SAMD14: variants seen among roughly 807,000 people sequenced by gnomAD.
The protein encoded by SAMD14 is sterile alpha motif domain containing 14.
SAMD14 carries 27 observed loss-of-function variants against 46.2 expected under a neutral mutation model. The observed-to-expected ratio is 0.58, with a 90% confidence interval of 0.43 to 0.81. The LOEUF (loss-of-function observed/expected upper bound fraction) is 0.81. Among genes scored for constraint, SAMD14 ranks in the 30% least tolerant of loss-of-function variants. The pLI, the probability that SAMD14 is intolerant of heterozygous loss-of-function variation, is 0.00. For synonymous variants in SAMD14, 241 were observed against 254.3 expected (o/e 0.95, Z 0.50); for missense variants, 559 against 582.2 (o/e 0.96, Z 0.41).
intron 2 of SAMD14, among the ~76,000 whole-genome samples, chr17:50,121,590 T>G (rs1911503153): frequency 6.6e-6 from 1 of 152,206 alleles, no homozygotes; most frequent in Non-Finnish European, 1.5e-5. Context: ...AGTGCTGGGA[T>G]TACTGGTGTG....
chr17:50,113,388 G>A (rs1286932552), intron 9 of SAMD14: 3 of 302,722 alleles, frequency 9.9e-6, no homozygotes, highest in East Asian at 1.6e-4. Flanking sequence ...CACAGTTAGT[G>A]CCCAAGGACC....
At chr17:50,114,346 C>T (rs763917759) in intron 7 of SAMD14, 40 bp from the exon 8 acceptor site, 1 of 1,614,024 alleles carries the variant, frequency 6.2e-7, no homozygotes, top group South Asian at 1.1e-5. Flanking sequence ...GAGAGTTCAC[C>T]CCCAACCCAC....
At chr17:50,125,269 G>T in intron 1 of SAMD14, 1 of 371,102 alleles carries the variant, frequency 2.7e-6, no homozygotes. Context: ...GTGCCTTCAC[G>T]TGGGTCACTG....
rs766641656 is a variant in SAMD14 at position 50,111,679 on chromosome 17, C to G, written c.*1214G>C. On this transcript the variant is annotated 3_prime_UTR_variant, in exon 10 of 10. Transcript: ENST00000330175. ...CCAAGCGGGAGCCCCCAGGCCTCAT[C>G]GGTAACTCTGACCAGTGTCCTGGAA... 1 of 152,284 alleles carries G rather than the reference C, an allele frequency of 6.6e-6. No individual in the cohort carries two copies. Among genetic ancestry groups the G allele is most frequent in the African/African-American group, 2.4e-5 (1 of 41,428 alleles). The allele number at this position is 152,284 out of a possible 1,614,324, so 9.4% of individuals were successfully genotyped here. A position where few individuals can be genotyped will look rare whatever the true frequency, so the allele number is the denominator to read the frequency against.
rs777789075 is a variant in SAMD14, at chr17:50,114,017, C to T, written c.1005G>A (p.Leu335=). The T allele has an allele frequency of 6.8e-6, 11 of 1,613,728 alleles. No individual in the cohort carries two copies. In the East Asian group the frequency reaches 2.5e-4, roughly 36 times the overall value. Reference sequence around the variant, plus strand: ...CATACTGTTCCAGGTTGAGGCTCTGCAGCCACTGGCCCACCTGCTGGCTGG... The same window carrying T: ...CATACTGTTCCAGGTTGAGGCTCTGTAGCCACTGGCCCACCTGCTGGCTGG... ...HWTSQQVGQW[L]QSLNLEQYAA... is the part of the protein sequence containing the mutation. The change falls in exon 9 of 10, where the codon CTG becomes CTA. Residue 335 remains leucine, a synonymous_variant. Coordinates refer to ENST00000330175, the MANE Select transcript of SAMD14 (RefSeq NM_001257359.2).
chr17:50,114,043 TC>T lies in SAMD14; in HGVS notation c.978del (p.Trp326Ter). On this transcript the variant is annotated frameshift_variant, in exon 9 of 10. Coordinates refer to ENST00000330175, the MANE Select transcript of SAMD14 (RefSeq NM_001257359.2). LOFTEE classifies it high-confidence loss of function. ...AGCCACTGGCCCACCTGCTGGCTGG[TC>T]CAGTGGTGGACAGGGGGGAGGGGTT... is the stretch of plus-strand genomic sequence containing the variant. ...LDEPLPPVHH[W>X]TSQQVGQWLQ... The T allele has an allele frequency of 6.2e-7, 1 of 1,613,376 alleles. No individual in the cohort carries two copies. Among genetic ancestry groups the T allele is most frequent in the Non-Finnish European group, 8.5e-7 (1 of 1,179,968 alleles).
chr17:50,120,335 G>A (rs199623271), intron 2 of SAMD14, among the ~76,000 whole-genome samples: 6 of 151,814 alleles, frequency 4.0e-5, no homozygotes, highest in African/African-American at 1.5e-4. Context: ...GGAGAGGAGA[G>A]GAAAGAAAAA....
Position 50,115,708 on chromosome 17 carries a change from C to T in SAMD14, c.678G>A (p.Gly226=). Residue 226 remains glycine (G), a synonymous_variant, in exon 7 of 10, where the codon GGG becomes GGA. Coordinates refer to ENST00000330175, the MANE Select transcript of SAMD14 (RefSeq NM_001257359.2). The surrounding 1 kb of genome is among the most constrained non-coding windows in gnomAD (Gnocchi z 5.3). ...ACGGGGAGCCCCCTGACCTGCCGGA[C>T]CCCTCCACTGACTCCCTGCAGAGAG... ...LSMGSRESVE[G]SGRSGGSPFL... is the part of the protein sequence containing the mutation. The T allele has an allele frequency of 6.2e-7, 1 of 1,605,386 alleles. No individual in the cohort carries two copies. The highest frequency in any genetic ancestry group is 1.1e-5 in the South Asian group (1 of 90,072).
rs367855958 is a variant in SAMD14 at position 50,110,342 on chromosome 17, C to T, written c.*2551G>A. On this transcript the variant is annotated 3_prime_UTR_variant, in exon 10 of 10. Coordinates refer to ENST00000330175, the MANE Select transcript of SAMD14 (RefSeq NM_001257359.2). ...GATGCCTGAGGGTTAGGGATGTCTCCACCCTGATGGGGTGTCCCAGAGACA... is the reference window on the plus strand; with the variant it reads ...GATGCCTGAGGGTTAGGGATGTCTCTACCCTGATGGGGTGTCCCAGAGACA... The T allele has an allele frequency of 3.8e-5, 15 of 390,950 alleles. No individual in the cohort carries two copies. Among genetic ancestry groups the T allele is most frequent in the African/African-American group, 2.4e-4 (12 of 49,388 alleles). 24.2% of individuals were successfully genotyped at this position (390,950 alleles called of 1,614,324 possible). A position where few individuals can be genotyped will look rare whatever the true frequency, so the allele number is the denominator to read the frequency against.
At chr17:50,122,021 C>T (rs118166334) in intron 2 of SAMD14, among the ~76,000 whole-genome samples, 9 of 152,340 alleles carry the variant, frequency 5.9e-5, no homozygotes, top group South Asian at 2.1e-4. Flanking sequence ...AACAGGCGCT[C>T]GCTGGTGATG....
rs1487230335 is a variant in SAMD14, at chr17:50,110,339, C to T, written c.*2554G>A. ...GGCGATGCCTGAGGGTTAGGGATGTCTCCACCCTGATGGGGTGTCCCAGAG... is the reference window on the plus strand; with the variant it reads ...GGCGATGCCTGAGGGTTAGGGATGTTTCCACCCTGATGGGGTGTCCCAGAG... On this transcript the variant is annotated 3_prime_UTR_variant, in exon 10 of 10. Transcript: ENST00000330175. The T allele has an allele frequency of 2.5e-6, 1 of 398,378 alleles. No individual in the cohort carries two copies. Among genetic ancestry groups the T allele is most frequent in the Non-Finnish European group, 4.5e-6 (1 of 220,912 alleles). 24.7% of individuals were successfully genotyped at this position (398,378 alleles called of 1,614,324 possible).
At position 50,115,951 on chromosome 17, in the gene SAMD14, C is replaced by T. The variant is rs779838150; in HGVS notation, c.588-47G>A. 1.9e-6 allele frequency: 3 copies of T among 1,613,308 alleles called. No homozygotes were observed. Among genetic ancestry groups the T allele is most frequent in the East Asian group, 2.2e-5 (1 of 44,874 alleles). The stretch of plus-strand genomic sequence containing the variant: ...TGGGGCAGGGCTGCCCACTGTGCTA[C>T]CCCTTACCCCAGCAGCTCCAAGCCC... On this transcript the variant is annotated intron_variant, in intron 5 of 9. Transcript: ENST00000330175. The surrounding 1 kb of genome is among the most constrained non-coding windows in gnomAD (Gnocchi z 5.3).
rs770906680 is a variant in SAMD14, at chr17:50,115,766, G to A, written c.663-43C>T. 1.9e-6 allele frequency: 3 copies of A among 1,613,242 alleles called. No homozygotes were observed. Among genetic ancestry groups the A allele is most frequent in the East Asian group, 4.5e-5 (2 of 44,896 alleles). The stretch of plus-strand genomic sequence containing the variant: ...AGCATGGGTGTGGGTACAGAGGGGA[G>A]GACCAGAGCACATGGGGAGCCAGGG... On this transcript the variant is annotated intron_variant, in intron 6 of 9. Coordinates refer to ENST00000330175, the MANE Select transcript of SAMD14 (RefSeq NM_001257359.2). The surrounding 1 kb of genome is among the most constrained non-coding windows in gnomAD (Gnocchi z 5.3).
In SAMD14 at chr17:50,116,022, G is replaced by A. The variant is rs145223018; in HGVS notation, c.568C>T (p.Arg190Ter). The A allele has an allele frequency of 1.9e-5, 31 of 1,613,984 alleles. No homozygotes were observed. The highest frequency in any genetic ancestry group is 4.0e-5 in the African/African-American group (3 of 74,940). ...PTIGLDKKTR[R>*]KFLDLGVTLR... ...ACTCACCCCAGGTCCAGGAACTTTC[G>A]GCGAGTCTTCTTATCGAGGCCGATG... The change falls in exon 5 of 10, where the codon CGA becomes TGA. Residue 190 changes from arginine to a stop codon, truncating the protein, a stop_gained. Transcript: ENST00000330175. LOFTEE classifies it high-confidence loss of function.
chr17:50,114,571 G>GTT, intron 7 of SAMD14: 1 of 791,766 alleles, frequency 1.3e-6, no homozygotes. Context: ...CTCAGGCAAG[G>GTT]TGTCACTTCC....
chr17:50,125,560 A>G (rs532143723), intron 1 of SAMD14, among the ~76,000 whole-genome samples: 2 of 152,032 alleles, frequency 1.3e-5, no homozygotes, highest in Admixed American at 6.6e-5. Context: ...TCACTCACCC[A>G]TCTATCCACC....
intron 3 of SAMD14, 81 bp from the exon 4 acceptor site, chr17:50,117,776 G>T (rs983913358): frequency 3.8e-5 from 51 of 1,329,108 alleles, no homozygotes; most frequent in Non-Finnish European, 4.9e-5. Flanking sequence ...CCTGTAAACT[G>T]CGGGCCCTGA....
Position 50,116,061 on chromosome 17 carries a change from G to A in SAMD14, c.529C>T (p.Pro177Ser). The change falls in exon 5 of 10, where the codon CCC becomes TCC. Residue 177 changes from proline to serine, a missense_variant. Transcript: ENST00000330175. The stretch of plus-strand genomic sequence containing the variant: ...TCGAGGCCGATGGTGGGGCTGGCGG[G>A]CTCAGGAGGACTGGCGTCACGGCTG... ...DDSRDASPPE[P>S]ASPTIGLDKK... 1.2e-6 allele frequency: 2 copies of A among 1,613,930 alleles called. No individual in the cohort carries two copies. Among genetic ancestry groups the A allele is most frequent in the African/African-American group, 1.3e-5 (1 of 75,038 alleles).
At chr17:50,119,741 C>T (rs1337090623) in intron 2 of SAMD14, among the ~76,000 whole-genome samples, 1 of 152,152 alleles carries the variant, frequency 6.6e-6, no homozygotes, top group African/African-American at 2.4e-5. Context: ...CCTAAGCTAC[C>T]CTTCTTCTCT....
Sources: gnomAD v4.1 joint callset for allele counts (sites outside exome capture counted in the v4.1 genomes callset) on GRCh38, gnomAD v4.1.1 for gene constraint, Gnocchi (gnomAD v3.1) non-coding constraint, MANE v1.5 for transcripts, NCBI Gene and HGNC (gene_info 2026-07-23, HGNC 2026-07-21) for gene names.